RRP12: variants seen among roughly 807,000 people sequenced by gnomAD.
RRP12 encodes ribosomal RNA processing 12 homolog, also known as RRP12-like protein.
A neutral mutation model predicts 157.3 loss-of-function variants in RRP12; 78 were observed. The ratio of observed to expected loss-of-function variants is 0.50; its 90% CI spans 0.41 to 0.60. The LOEUF (loss-of-function observed/expected upper bound fraction) is 0.60, where lower values mean the gene tolerates loss of function less well. Ranked by LOEUF, RRP12 falls within the 20% of genes least tolerant of loss-of-function variation. The pLI is 0.00. For synonymous variants in RRP12, 726 were observed against 670.9 expected, an observed-to-expected ratio of 1.08 and a Z score of -1.27; for missense variants, 1,521 against 1,679.9, an observed-to-expected ratio of 0.91 and a Z score of 1.65.
intron 21 of RRP12, 62 bp downstream of exon 21, chr10:97,370,861 T>TG: frequency 1.9e-6 from 3 of 1,609,718 alleles, no homozygotes; most frequent in Middle Eastern, 1.7e-4. Context: ...GCCTCAACAG[T>TG]GGCTCCTTTC....
intron 15 of RRP12, among the ~76,000 whole-genome samples, chr10:97,375,109 A>C (rs775843847): frequency 6.6e-6 from 1 of 151,986 alleles, no homozygotes; most frequent in Non-Finnish European, 1.5e-5. Flanking sequence ...CCTACATCAT[A>C]TCCCAAAGTG....
At chr10:97,389,251 A>G (rs148331122) in intron 6 of RRP12, among the ~76,000 whole-genome samples, 57,701 of 151,182 alleles carry the variant, frequency 0.38, 11,435 homozygotes, top group African/African-American at 0.5. Context: ...CCGCCACCAC[A>G]CCCGGCTAAT....
intron 5 of RRP12, 35 bp from the exon 6 acceptor site, chr10:97,390,574 C>T (rs376118119): frequency 1.9e-5 from 30 of 1,546,620 alleles, no homozygotes; most frequent in Non-Finnish European, 3.6e-6. Context: ...GTGCCACCAG[C>T]CTCGGCCAGG....
intron 25 of RRP12, 165 bp from the exon 26 acceptor site, chr10:97,367,297 T>A: frequency 1.6e-6 from 1 of 626,106 alleles, no homozygotes; most frequent in Non-Finnish European, 2.8e-6. Flanking sequence ...TTCCCTCGGG[T>A]GGGCAGGCCC....
At chr10:97,359,366 T>C (rs1843786857) in intron 31 of RRP12, among the ~76,000 whole-genome samples, 2 of 152,246 alleles carry the variant, frequency 1.3e-5, no homozygotes, top group Non-Finnish European at 2.9e-5. Flanking sequence ...GCTCTGCCAC[T>C]TACAGCTCCA....
At chr10:97,367,020 G>C (rs202087020) in intron 26 of RRP12, 21 bp downstream of exon 26, 11 of 1,612,636 alleles carry the variant, frequency 6.8e-6, no homozygotes, top group Admixed American at 1.7e-5. Context: ...CCCTACCCCC[G>C]CCCCTGCTCA....
intron 25 of RRP12, among the ~76,000 whole-genome samples, chr10:97,369,210 T>C (rs1844070063): frequency 6.6e-6 from 1 of 152,228 alleles, no homozygotes; most frequent in South Asian, 2.1e-4. Context: ...TTGCTTTCCA[T>C]GTAGGGCTCT....
chr10:97,387,692 G>A (rs1400940435), intron 8 of RRP12, among the ~76,000 whole-genome samples: 1 of 151,322 alleles, frequency 6.6e-6, no homozygotes, highest in Non-Finnish European at 1.5e-5. Context: ...TGTAATCCCA[G>A]AACTTTGGGA....
chr10:97,390,474 G>A lies in RRP12; in HGVS notation c.702C>T (p.Thr234=). The change falls in exon 6 of 34, where the codon ACC becomes ACT. Residue 234 remains threonine, a synonymous_variant. Transcript: ENST00000370992. ...TCAGCAGCCCATGGTACACCTGAAG[G>A]GTCACGGGGTAGCCCCAGGCCTCCA... ...QDLEAWGYPV[T]LQVYHGLLSF... The A allele has an allele frequency of 4.3e-6, 7 of 1,614,158 alleles. No individual in the cohort carries two copies. Among genetic ancestry groups the A allele is most frequent in the Non-Finnish European group, 5.9e-6 (7 of 1,180,038 alleles).
At chr10:97,396,406 GAGACAGACA>G in intron 2 of RRP12, 105 bp from the exon 3 acceptor site, 1 of 891,596 alleles carries the variant, frequency 1.1e-6, no homozygotes, top group South Asian at 1.4e-5. Context: ...TTAAAGCCCA[GAGACAGACA>G]AGACAGGCAA....
intron 15 of RRP12, among the ~76,000 whole-genome samples, chr10:97,374,754 G>C (rs551896290): frequency 7.1e-4 from 100 of 141,052 alleles, no homozygotes; most frequent in African/African-American, 2.5e-3. Flanking sequence ...CCTGGGTGAC[G>C]GAGCGAGACT....
rs779175474 is a variant in RRP12, at chr10:97,366,845, C to T, written c.3112G>A (p.Ala1038Thr). The T allele has an allele frequency of 5.0e-6, 8 of 1,614,216 alleles. No individual in the cohort carries two copies. The Admixed American group carries it at 1.3e-4, about 27-fold the overall frequency. The change falls in exon 27 of 34, where the codon GCT becomes ACT. Residue 1038 changes from alanine to threonine, a missense_variant. Physicochemically the swap from Ala to Thr is moderately conservative, Grantham distance 58. Transcript: ENST00000370992. ...CGGTGCCTCTTGGCCCGGGCCTCAG[C>T]TTTCCGGATGTTGACCAGGACTCTG... Reference protein sequence around the residue: ...YHRVLVNIRKAEARAKRHRAL... With the variant: ...YHRVLVNIRKTEARAKRHRAL...
In RRP12 at chr10:97,381,421, G is replaced by C. The variant is rs780643355; in HGVS notation, c.1383C>G (p.Ala461=). ...MADIGSVTSS[A]SGPAQSVAKM... ...TGGCAACAGATTGGGCAGGGCCTGAGGCCGAGGAGGTCACGGAGCCAATGT... is the reference window on the plus strand; with the variant it reads ...TGGCAACAGATTGGGCAGGGCCTGACGCCGAGGAGGTCACGGAGCCAATGT... Residue 461 remains alanine (A), a synonymous_variant, in exon 12 of 34, where the codon GCC becomes GCG. Transcript: ENST00000370992. The C allele has an allele frequency of 4.3e-6, 7 of 1,613,442 alleles. No individual in the cohort carries two copies. In the East Asian group the frequency reaches 1.6e-4, roughly 36 times the overall value.
downstream of RRP12, chr10:97,356,414 C>T (rs1933147765): frequency 2.0e-5 from 3 of 152,260 alleles, no homozygotes; most frequent in South Asian, 6.2e-4. Context: ...TTTGTTGAAT[C>T]AATGAACAAA....
chr10:97,379,516 C>T, intron 14 of RRP12, 102 bp from the exon 15 acceptor site: 1 of 1,590,708 alleles, frequency 6.3e-7, no homozygotes, highest in South Asian at 1.1e-5. Flanking sequence ...CCTCTGGCCC[C>T]TCCTGCTGAG....
At chr10:97,395,487 G>T in intron 3 of RRP12, among the ~76,000 whole-genome samples, 1 of 151,694 alleles carries the variant, frequency 6.6e-6, no homozygotes. Context: ...ATGAGACAGA[G>T]GTTGCAGTGA....
rs1252515337 is a variant in RRP12 at position 97,366,829 on chromosome 10, T to C, written c.3128A>G (p.Lys1043Arg). 4 of 1,614,096 alleles carry C rather than the reference T, an allele frequency of 2.5e-6. No homozygotes were observed. The African/African-American group carries it at 5.3e-5, about 22-fold the overall frequency. The change falls in exon 27 of 34, where the codon AAG (lysine) becomes AGG (arginine). Residue 1043 changes from lysine to arginine, a missense_variant. Transcript: ENST00000370992. ...VNIRKAEARA[K>R]RHRALSQAAV... The stretch of plus-strand genomic sequence containing the variant: ...AGCCTGGCTCAGGGCTCGGTGCCTC[T>C]TGGCCCGGGCCTCAGCTTTCCGGAT...
chr10:97,397,442 G>T (rs1401028851), intron 2 of RRP12, among the ~76,000 whole-genome samples: 2 of 152,076 alleles, frequency 1.3e-5, no homozygotes, highest in Non-Finnish European at 1.5e-5. Context: ...GATTACAGGC[G>T]TGAGCCACCT....
chr10:97,390,574 C>G, intron 5 of RRP12, 35 bp from the exon 6 acceptor site: 1 of 1,546,738 alleles, frequency 6.5e-7, no homozygotes, highest in South Asian at 1.1e-5. Context: ...GTGCCACCAG[C>G]CTCGGCCAGG....
Sources: gnomAD v4.1 joint callset for allele counts (sites outside exome capture counted in the v4.1 genomes callset) on GRCh38, gnomAD v4.1.1 for gene constraint, MANE v1.5 for transcripts, NCBI Gene and HGNC (gene_info 2026-07-23, HGNC 2026-07-21) for gene names.